The following ENAH variants were observed in gnomAD, a reference collection of about 807,000 sequenced individuals.
ENAH encodes the protein protein enabled homolog.
ENAH carries 23 observed loss-of-function variants against 78.7 expected under a neutral mutation model. The observed-to-expected ratio is 0.29, with a 90% confidence interval of 0.21 to 0.41. ENAH has a LOEUF of 0.41. ENAH is among the 10% of genes least tolerant of loss of function. ENAH has a pLI of 1.00. For synonymous variants in ENAH, 226 were observed against 241.0 expected (o/e 0.94, Z 0.58); for missense variants, 544 against 691.0 (o/e 0.79, Z 2.39).
At chr1:225,600,374 TAATA>T (rs1553454620) in intron 1 of ENAH, among the ~76,000 whole-genome samples, 4 of 151,196 alleles carry the variant, frequency 2.6e-5, no homozygotes, top group Non-Finnish European at 5.9e-5. Context: ...TAAAAAATAA[TAATA>T]AATAAGAAAA....
intron 1 of ENAH, among the ~76,000 whole-genome samples, chr1:225,632,644 G>T (rs1329791255): frequency 6.6e-6 from 1 of 152,158 alleles, no homozygotes; most frequent in Non-Finnish European, 1.5e-5. Flanking sequence ...GCTTTTAAAT[G>T]AATCTATACA....
At chr1:225,538,864 C>T (rs934923301) in intron 3 of ENAH, among the ~76,000 whole-genome samples, 7 of 152,164 alleles carry the variant, frequency 4.6e-5, no homozygotes, top group African/African-American at 9.7e-5. Flanking sequence ...AGTTGAGGGG[C>T]CTATCATTTA....
chr1:225,590,999 T>C (rs115241813), intron 1 of ENAH, among the ~76,000 whole-genome samples: 2 of 152,254 alleles, frequency 1.3e-5, no homozygotes, highest in South Asian at 2.1e-4. Flanking sequence ...ATTGGCTTCA[T>C]TGGTCTTATT....
chr1:225,546,915 A>C (rs868011903), intron 3 of ENAH, among the ~76,000 whole-genome samples: 2 of 152,180 alleles, frequency 1.3e-5, no homozygotes, highest in Non-Finnish European at 2.9e-5. Context: ...AGTGAAACTC[A>C]AACTGATGCT....
rs144963833 is a variant in ENAH at position 225,494,852 on chromosome 1, G to A, written c.*2923C>T. On this transcript the variant is annotated 3_prime_UTR_variant, in exon 14 of 14. Transcript: ENST00000366843. The stretch of plus-strand genomic sequence containing the variant: ...ATTTTATTTCAATCGCACAAACGAA[G>A]TTAGCGTGTAGGAAACTTAAATGAA... 8.8e-4 allele frequency: 134 copies of A among 152,708 alleles called. 1 individual carries two copies. The highest frequency in any genetic ancestry group is 3.2e-3 in the African/African-American group (134 of 41,554). 9.5% of individuals were successfully genotyped at this position (152,708 alleles called of 1,614,324 possible).
At chr1:225,536,020 A>G (rs1386101559) in intron 3 of ENAH, among the ~76,000 whole-genome samples, 1 of 152,124 alleles carries the variant, frequency 6.6e-6, no homozygotes, top group African/African-American at 2.4e-5. Flanking sequence ...ACTCATTCCT[A>G]CTAGTTGGAA....
At chr1:225,652,628 G>C (rs1457127239) in intron 1 of ENAH, 58 bp downstream of exon 1, 4 of 1,260,318 alleles carry the variant, frequency 3.2e-6, no homozygotes, top group Non-Finnish European at 3.0e-6. Context: ...AGGAGAACGG[G>C]GGTCGCGGCT....
intron 1 of ENAH, among the ~76,000 whole-genome samples, chr1:225,577,277 C>T (rs2096792999): frequency 6.6e-6 from 1 of 152,098 alleles, no homozygotes; most frequent in Admixed American, 6.5e-5. Flanking sequence ...TCTCCTTTGC[C>T]ATTCCATTAA....
chr1:225,568,487 ACT>A (rs2096745624), intron 1 of ENAH, among the ~76,000 whole-genome samples: 1 of 152,220 alleles, frequency 6.6e-6, no homozygotes, highest in African/African-American at 2.4e-5. Flanking sequence ...AATTAAAATA[ACT>A]CAACCTCAAT....
chr1:225,585,613 T>C (rs2096842349), intron 1 of ENAH, among the ~76,000 whole-genome samples: 1 of 151,622 alleles, frequency 6.6e-6, no homozygotes, highest in Non-Finnish European at 1.5e-5. Flanking sequence ...CATGGAGAAA[T>C]CCTGTCTCTA....
intron 11 of ENAH, 99 bp from the exon 12 acceptor site, chr1:225,501,169 T>C: frequency 2.5e-6 from 2 of 816,198 alleles, no homozygotes; most frequent in Non-Finnish European, 3.8e-6. Flanking sequence ...CAGATTTAAA[T>C]ACATTTCTTT....
At chr1:225,545,122 T>C (rs970961613) in intron 3 of ENAH, among the ~76,000 whole-genome samples, 2 of 151,978 alleles carry the variant, frequency 1.3e-5, no homozygotes, top group African/African-American at 2.4e-5. Context: ...GGAGAGAAGA[T>C]GAAATACAGA....
At chr1:225,648,246 G>A (rs567499558) in intron 1 of ENAH, among the ~76,000 whole-genome samples, 60 of 152,220 alleles carry the variant, frequency 3.9e-4, no homozygotes, top group African/African-American at 1.4e-3. Flanking sequence ...CACAAGTAGG[G>A]TTTAAATACC....
intron 6 of ENAH, 113 bp from the exon 7 acceptor site, chr1:225,515,013 T>C (rs1466680509): frequency 3.6e-6 from 3 of 841,532 alleles, no homozygotes; most frequent in Middle Eastern, 2.4e-4. Context: ...ATGTATTTAC[T>C]TAATGAGTCC....
chr1:225,635,474 T>A, intron 1 of ENAH, among the ~76,000 whole-genome samples: 1 of 152,242 alleles, frequency 6.6e-6, no homozygotes, highest in East Asian at 1.9e-4. Context: ...TACTGTGGAA[T>A]CTTTGCATAT....
rs762809595 is a variant in ENAH at position 225,496,868 on chromosome 1, A to G, written c.*907T>C. 3.4e-5 allele frequency: 5 copies of G among 148,622 alleles called. No homozygotes were observed. Among genetic ancestry groups the G allele is most frequent in the Admixed American group, 1.3e-4 (2 of 15,116 alleles). The allele number at this position is 148,622 out of a possible 1,614,324, so 9.2% of individuals were successfully genotyped here. ...GACTAGGCCTTGAAAAGGCCACTAC[A>G]TATTAGTGTGACATGCATTACTGTC... On this transcript the variant is annotated 3_prime_UTR_variant, in exon 14 of 14. Transcript: ENST00000366843.
intron 1 of ENAH, chr1:225,652,255 A>C: frequency 3.5e-6 from 3 of 861,224 alleles, no homozygotes; most frequent in African/African-American, 1.8e-5. Context: ...TTCCTTTTTT[A>C]ATTAAACACG....
rs564860834 is a variant in ENAH at position 225,529,788 on chromosome 1, G to A, written c.434+766C>T. Reference sequence around the variant, plus strand: ...GTCAGCAGGTAGAGAGAACGGGAATGAGCAGTGCCACAATAATCAAGCTGA... The same window carrying A: ...GTCAGCAGGTAGAGAGAACGGGAATAAGCAGTGCCACAATAATCAAGCTGA... On this transcript the variant is annotated intron_variant, in intron 4 of 13. Transcript: ENST00000366843. Among the ~76,000 whole-genome samples the A allele has an allele frequency of 2.6e-5, 4 of 152,308 alleles. No homozygotes were observed. In the South Asian group the frequency reaches 8.3e-4, roughly 32 times the overall value.
intron 1 of ENAH, among the ~76,000 whole-genome samples, chr1:225,577,539 A>G (rs2096794297): frequency 6.6e-6 from 1 of 152,262 alleles, no homozygotes; most frequent in African/African-American, 2.4e-5. Flanking sequence ...CTTATGTTTC[A>G]TTCATCTTTC....
Sources: gnomAD v4.1 joint callset for allele counts (sites outside exome capture counted in the v4.1 genomes callset) on GRCh38, gnomAD v4.1.1 for gene constraint, MANE v1.5 for transcripts, NCBI Gene and HGNC (gene_info 2026-07-23, HGNC 2026-07-21) for gene names.